TNRC6A: variants seen among roughly 807,000 people sequenced by gnomAD.
TNRC6A encodes trinucleotide repeat-containing gene 6A protein.
In TNRC6A, 44 loss-of-function variants were observed where a neutral mutation model predicts 221.2. The observed-to-expected ratio is 0.20, with a 90% CI of 0.16 to 0.26. The LOEUF (loss-of-function observed/expected upper bound fraction) is 0.26, where lower values mean the gene tolerates loss of function less well. Ranked by LOEUF, TNRC6A falls within the 10% of genes least tolerant of loss-of-function variation. The pLI, the probability that TNRC6A is intolerant of heterozygous loss-of-function variation, is 1.00. For synonymous variants in TNRC6A, 847 were observed against 838.5 expected, an observed-to-expected ratio of 1.01 and a Z score of -0.18; for missense variants, 2,199 against 2,404.4, an observed-to-expected ratio of 0.91 and a Z score of 1.79.
rs752284932 is a variant in TNRC6A, at chr16:24,789,190, G to A, written c.590-42G>A. On this transcript the variant is annotated intron_variant, in intron 5 of 24. Transcript: ENST00000395799. ...TAGATTTTAGTATCATTTTGAAATG[G>A]CCTAACACTTTATAAATAGTTGTAC... The A allele has an allele frequency of 4.0e-6, 6 of 1,513,322 alleles. No individual in the cohort carries two copies. The South Asian group carries it at 6.7e-5, about 17-fold the overall frequency. 93.7% of individuals were successfully genotyped at this position (1,513,322 alleles called of 1,614,324 possible). A position where few individuals can be genotyped will look rare whatever the true frequency, so the allele number is the denominator to read the frequency against.
chr16:24,651,411 G>A (rs1457507722), intron 2 of TNRC6A, among the ~76,000 whole-genome samples: 1 of 151,668 alleles, frequency 6.6e-6, no homozygotes, highest in African/African-American at 2.4e-5. Flanking sequence ...GGTGGCCTGT[G>A]CCTGTAATCC....
chr16:24,808,497 T>C (rs112556338), intron 17 of TNRC6A, among the ~76,000 whole-genome samples: 208 of 152,324 alleles, frequency 1.4e-3, no homozygotes, highest in African/African-American at 4.6e-3. Flanking sequence ...ACCGGGACCA[T>C]GTGGCCCACA....
At chr16:24,757,443 G>A (rs750823025) in intron 3 of TNRC6A, among the ~76,000 whole-genome samples, 4 of 152,190 alleles carry the variant, frequency 2.6e-5, no homozygotes, top group Non-Finnish European at 5.9e-5. Flanking sequence ...ACAACAACTG[G>A]TTATTCAGTT....
chr16:24,802,181 A>G (rs551303971), intron 11 of TNRC6A, among the ~76,000 whole-genome samples: 1 of 152,338 alleles, frequency 6.6e-6, no homozygotes, highest in South Asian at 2.1e-4. Context: ...GCAGTTGCAA[A>G]GAAATGATGG....
chr16:24,770,760 A>T (rs139678363), intron 4 of TNRC6A, among the ~76,000 whole-genome samples: 4 of 152,250 alleles, frequency 2.6e-5, no homozygotes, highest in Admixed American at 2.6e-4. Context: ...TCTTAAATCC[A>T]TATTTTTAAT....
At chr16:24,800,292 A>G (rs2151949471) in intron 11 of TNRC6A, among the ~76,000 whole-genome samples, 1 of 152,346 alleles carries the variant, frequency 6.6e-6, no homozygotes, top group South Asian at 2.1e-4. Context: ...CACATACCGC[A>G]TCCTCCTACG....
intron 5 of TNRC6A, among the ~76,000 whole-genome samples, chr16:24,784,162 C>T (rs1282421811): frequency 2.0e-5 from 3 of 152,028 alleles, no homozygotes; most frequent in Non-Finnish European, 2.9e-5. Context: ...TTACCACACC[C>T]GGTTAATTTT....
At chr16:24,742,982 A>T (rs747191354) in intron 2 of TNRC6A, among the ~76,000 whole-genome samples, 1 of 152,152 alleles carries the variant, frequency 6.6e-6, no homozygotes, top group Non-Finnish European at 1.5e-5. Flanking sequence ...GAGGTCAAGG[A>T]TGAGGTTTGT....
chr16:24,729,691 C>CGGT lies in TNRC6A; in HGVS notation c.-149_-148insTGG. The CGGT allele has an allele frequency of 1.2e-6, 1 of 812,712 alleles. No homozygotes were observed. Among genetic ancestry groups the CGGT allele is most frequent in the Non-Finnish European group, 1.7e-6 (1 of 602,124 alleles). 50.3% of individuals were successfully genotyped at this position (812,712 alleles called of 1,614,324 possible). A position where few individuals can be genotyped will look rare whatever the true frequency, so the allele number is the denominator to read the frequency against. On this transcript the variant is annotated 5_prime_UTR_variant, in exon 1 of 25. Transcript: ENST00000395799. ...CCTGCGGCGGCGGCGGTGTCGGCGG[C>CGGT]GGCGGCGGCGGCGGCGGCGGCGGCG...
rs1304492390 is a variant in TNRC6A, at chr16:24,790,081, CAG to C, written c.1440_1441del (p.Ala482LeufsTer26). The C allele has an allele frequency of 6.2e-7, 1 of 1,614,194 alleles. No individual in the cohort carries two copies. Among genetic ancestry groups the C allele is most frequent in the Non-Finnish European group, 8.5e-7 (1 of 1,180,022 alleles). On this transcript the variant is annotated frameshift_variant, in exon 6 of 25. Transcript: ENST00000395799. LOFTEE classifies it high-confidence loss of function. The stretch of plus-strand genomic sequence containing the variant: ...AATAATGAGCTGCCTAGTAGTAACA[CAG>C]GGGCCTGGCGTGTGAGCACAATGAA...
intron 4 of TNRC6A, among the ~76,000 whole-genome samples, chr16:24,768,420 G>A (rs1042392614): frequency 3.1e-5 from 4 of 129,508 alleles, no homozygotes; most frequent in Non-Finnish European, 3.1e-5. Flanking sequence ...GGGACAGAGC[G>A]AGACTCTGTC....
intron 21 of TNRC6A, 68 bp downstream of exon 21, chr16:24,818,768 C>A: frequency 4.2e-6 from 5 of 1,200,122 alleles, no homozygotes; most frequent in Non-Finnish European, 6.2e-6. Context: ...TGTTTTAATG[C>A]CCTCTTCTTT....
chr16:24,702,813 A>G (rs2056013579), intron 2 of TNRC6A, among the ~76,000 whole-genome samples: 1 of 151,992 alleles, frequency 6.6e-6, no homozygotes, highest in Admixed American at 6.6e-5. Flanking sequence ...AGGCAGGCAG[A>G]TCATGAGGTC....
chr16:24,657,815 G>A (rs1194488079), intron 2 of TNRC6A, among the ~76,000 whole-genome samples: 1 of 151,292 alleles, frequency 6.6e-6, no homozygotes, highest in East Asian at 1.9e-4. Flanking sequence ...TAATAACATT[G>A]CATTTTTGAG....
At position 24,730,332 on chromosome 16, in the gene TNRC6A, C is replaced by G. The variant is rs747422845; in HGVS notation, c.53+32C>G. 3 of 1,600,600 alleles carry G rather than the reference C, an allele frequency of 1.9e-6. No homozygotes were observed. In the East Asian group the frequency reaches 7.0e-5, roughly 37 times the overall value. On this transcript the variant is annotated intron_variant, in intron 2 of 24. Coordinates refer to ENST00000395799, the MANE Select transcript of TNRC6A (RefSeq NM_014494.4). ...TGGGCGAGCTTTCCGTCTCCCGCCC[C>G]ACGATAATCGTATATTTCTACTCCG...
chr16:24,778,320 G>T, intron 5 of TNRC6A: 2 of 985,002 alleles, frequency 2.0e-6, no homozygotes, highest in Non-Finnish European at 2.4e-6. Flanking sequence ...TCTGTACATT[G>T]TAATATATTA....
intron 12 of TNRC6A, 82 bp downstream of exon 12, chr16:24,804,401 T>G: frequency 6.8e-7 from 1 of 1,465,332 alleles, no homozygotes; most frequent in Non-Finnish European, 9.2e-7. Flanking sequence ...TTTAAAACCT[T>G]TTATATAATA....
chr16:24,778,421 T>C, intron 5 of TNRC6A: 1 of 985,474 alleles, frequency 1.0e-6, no homozygotes, highest in Non-Finnish European at 1.2e-6. Flanking sequence ...CATGCTGTGC[T>C]TTGGCAACAT....
At chr16:24,794,092 A>G (rs2058169069) in intron 7 of TNRC6A, among the ~76,000 whole-genome samples, 1 of 152,224 alleles carries the variant, frequency 6.6e-6, no homozygotes, top group South Asian at 2.1e-4. Flanking sequence ...TAGGCTGTGT[A>G]CAAGATGCCC....
Sources: allele counts gnomAD v4.1 joint callset (sites outside exome capture counted in the v4.1 genomes callset), GRCh38; gene constraint gnomAD v4.1.1; transcripts MANE v1.5; gene names NCBI Gene and HGNC (gene_info 2026-07-23, HGNC 2026-07-21).